Variants in TAFA2 observed in about 807,000 individuals in gnomAD.
The protein encoded by TAFA2 is TAFA chemokine like family member 2.
A neutral mutation model predicts 18.8 loss-of-function variants in TAFA2; 7 were observed. The observed-to-expected ratio is 0.37, with a 90% CI of 0.21 to 0.70. The LOEUF is 0.70. Ranked by LOEUF, TAFA2 falls within the 30% of genes least tolerant of loss-of-function variation. The pLI is 0.53. For synonymous variants in TAFA2, 60 were observed against 54.2 expected, an observed-to-expected ratio of 1.11 and a Z score of -0.47; for missense variants, 122 against 158.1, an observed-to-expected ratio of 0.77 and a Z score of 1.23.
At chr12:61,824,033 G>A (rs1365982959) in intron 2 of TAFA2, among the ~76,000 whole-genome samples, 1 of 152,102 alleles carries the variant, frequency 6.6e-6, no homozygotes, top group East Asian at 1.9e-4. Flanking sequence ...CACAATTCAT[G>A]CTATGTTATA....
chr12:62,167,469 T>C (rs369681018), intron 1 of TAFA2, among the ~76,000 whole-genome samples: 8 of 152,138 alleles, frequency 5.3e-5, no homozygotes, highest in African/African-American at 1.7e-4. Context: ...TGTATGTACA[T>C]TGCAGGATAA....
intron 1 of TAFA2, among the ~76,000 whole-genome samples, chr12:61,959,940 C>T (rs113042274): frequency 9.9e-5 from 15 of 151,824 alleles, no homozygotes; most frequent in African/African-American, 3.6e-4. Flanking sequence ...CAGATGTGAT[C>T]GTAGCATACT....
chr12:61,791,028 C>T (rs751447160), intron 2 of TAFA2, among the ~76,000 whole-genome samples: 10 of 151,606 alleles, frequency 6.6e-5, no homozygotes, highest in Non-Finnish European at 1.3e-4. Flanking sequence ...ACCAATGGAA[C>T]GGAAGAGCAA....
intron 2 of TAFA2, among the ~76,000 whole-genome samples, chr12:61,760,863 C>G (rs1229802135): frequency 6.8e-6 from 1 of 146,550 alleles, no homozygotes; most frequent in Non-Finnish European, 1.5e-5. Flanking sequence ...TCACAATTCC[C>G]AAGTCACCAA....
chr12:61,986,498 T>C (rs182981688), intron 1 of TAFA2, among the ~76,000 whole-genome samples: 10 of 151,766 alleles, frequency 6.6e-5, no homozygotes, highest in Admixed American at 3.3e-4. Flanking sequence ...GGGATTTCGC[T>C]ATGTTGGCCA....
intron 1 of TAFA2, among the ~76,000 whole-genome samples, chr12:62,107,842 T>C (rs1017683276): frequency 6.6e-6 from 1 of 152,218 alleles, no homozygotes; most frequent in African/African-American, 2.4e-5. Flanking sequence ...AATGTTATTA[T>C]TAGTATCTGC....
rs561331103 is a variant in TAFA2, at chr12:61,719,680, G to A, written c.385-9263C>T. 6.5e-4 allele frequency among the ~76,000 whole-genome samples: 99 copies of A among 152,246 alleles called. 1 individual carries two copies. Among genetic ancestry groups the A allele is most frequent in the African/African-American group, 2.3e-3 (95 of 41,558 alleles). ...GATCAATTAAATTATTTATTGCAAT[G>A]CCATGGTCTCTATGAATTGATTTTG... is the stretch of plus-strand genomic sequence containing the variant. On this transcript the variant is annotated intron_variant, in intron 4 of 4. Transcript: ENST00000416284.
chr12:61,964,014 C>A (rs1592517653), intron 1 of TAFA2, among the ~76,000 whole-genome samples: 1 of 152,124 alleles, frequency 6.6e-6, no homozygotes, highest in South Asian at 2.1e-4. Context: ...GGAAAACTGG[C>A]TAGCCATATG....
At chr12:62,057,572 T>C (rs76836869) in intron 1 of TAFA2, among the ~76,000 whole-genome samples, 11,132 of 152,264 alleles carry the variant, frequency 0.073, 482 homozygotes, top group Non-Finnish European at 0.11. Flanking sequence ...AATTACTTTG[T>C]CATTCAATTT....
At chr12:61,846,788 A>T (rs1355822529) in intron 2 of TAFA2, among the ~76,000 whole-genome samples, 2 of 152,170 alleles carry the variant, frequency 1.3e-5, no homozygotes, top group Admixed American at 6.5e-5. Context: ...GAGGTATTTA[A>T]TTTCCTCTAC....
chr12:61,732,769 A>G (rs978404050), intron 4 of TAFA2, among the ~76,000 whole-genome samples: 2 of 151,664 alleles, frequency 1.3e-5, no homozygotes, highest in Admixed American at 6.6e-5. Flanking sequence ...GCGTGCGTGC[A>G]TGTGTTAAGC....
chr12:61,786,836 T>C (rs569854352), intron 2 of TAFA2, among the ~76,000 whole-genome samples: 1 of 151,612 alleles, frequency 6.6e-6, no homozygotes, highest in Non-Finnish European at 1.5e-5. Context: ...ATGTGCACTA[T>C]ATACTCAATC....
chr12:61,761,889 A>AAC (rs1565625173), intron 2 of TAFA2, among the ~76,000 whole-genome samples: 2 of 152,040 alleles, frequency 1.3e-5, no homozygotes, highest in Non-Finnish European at 2.9e-5. Context: ...AGGTGATTGG[A>AAC]TCATGGGGCA....
intron 1 of TAFA2, among the ~76,000 whole-genome samples, chr12:62,017,930 T>C (rs1021921065): frequency 6.6e-6 from 1 of 152,204 alleles, no homozygotes; most frequent in African/African-American, 2.4e-5. Flanking sequence ...TGATCAATAA[T>C]GGGAAAGCTT....
intron 2 of TAFA2, among the ~76,000 whole-genome samples, chr12:61,841,390 A>AT (rs1301616038): frequency 6.6e-6 from 1 of 152,100 alleles, no homozygotes; most frequent in African/African-American, 2.4e-5. Flanking sequence ...ACCAGGTACC[A>AT]TTTATTGAAG....
chr12:62,064,707 G>T (rs1403651353), intron 1 of TAFA2, among the ~76,000 whole-genome samples: 1 of 151,996 alleles, frequency 6.6e-6, no homozygotes, highest in Non-Finnish European at 1.5e-5. Context: ...TAACTTATAT[G>T]ACTGAATTGC....
At chr12:61,719,009 G>A (rs1263362141) in intron 4 of TAFA2, among the ~76,000 whole-genome samples, 1 of 152,126 alleles carries the variant, frequency 6.6e-6, no homozygotes, top group Non-Finnish European at 1.5e-5. Context: ...AAACACAAAT[G>A]GCTCTTAGGG....
intron 1 of TAFA2, among the ~76,000 whole-genome samples, chr12:62,220,128 A>C (rs1454877333): frequency 6.6e-6 from 1 of 152,150 alleles, no homozygotes; most frequent in Non-Finnish European, 1.5e-5. Context: ...AATAAAAAAA[A>C]CCTAATGAAG....
chr12:61,959,934 T>C (rs1878824475), intron 1 of TAFA2, among the ~76,000 whole-genome samples: 1 of 151,874 alleles, frequency 6.6e-6, no homozygotes, highest in Non-Finnish European at 1.5e-5. Context: ...TATTCACAGA[T>C]GTGATCGTAG....
Sources: gnomAD v4.1 joint callset for allele counts (sites outside exome capture counted in the v4.1 genomes callset) on GRCh38, gnomAD v4.1.1 for gene constraint, MANE v1.5 for transcripts, NCBI Gene and HGNC (gene_info 2026-07-23, HGNC 2026-07-21) for gene names.